Variants in RNF38 observed in about 807,000 individuals in gnomAD.
RNF38 encodes ring finger protein 38.
RNF38 carries 15 observed loss-of-function variants against 67.2 expected under a neutral mutation model. That is an observed-to-expected ratio of 0.22 (90% CI 0.15 to 0.34). RNF38 has a LOEUF of 0.34. Among genes scored for constraint, RNF38 ranks in the 10% least tolerant of loss-of-function variants. The pLI is 1.00. For missense variants in RNF38, 524 were observed against 639.9 expected (o/e 0.82, Z 1.95); for synonymous variants, 220 against 218.8 (o/e 1.01, Z -0.05).
At chr9:36,364,980 T>C (rs567858095) in intron 4 of RNF38, among the ~76,000 whole-genome samples, 1 of 152,202 alleles carries the variant, frequency 6.6e-6, no homozygotes, top group Non-Finnish European at 1.5e-5. Context: ...TTTAGGTTTG[T>C]GGGCCATGGT....
intron 4 of RNF38, among the ~76,000 whole-genome samples, chr9:36,369,213 T>A (rs1835189783): frequency 6.6e-6 from 1 of 152,222 alleles, no homozygotes; most frequent in Admixed American, 6.5e-5. Context: ...CATACATGAA[T>A]TCATTCTAAG....
At chr9:36,385,436 T>C (rs1836541790) in intron 2 of RNF38, among the ~76,000 whole-genome samples, 1 of 150,332 alleles carries the variant, frequency 6.7e-6, no homozygotes, top group Non-Finnish European at 1.5e-5. Context: ...TGGAGTGCAA[T>C]GGCGCGATCT....
At chr9:36,441,713 A>C (rs1217799512) in intron 1 of RNF38, among the ~76,000 whole-genome samples, 1 of 77,372 alleles carries the variant, frequency 1.3e-5, no homozygotes, top group Non-Finnish European at 2.3e-5. Context: ...TCATATACAT[A>C]CTCCTCAATT....
chr9:36,464,294 C>T (rs1296683079), intron 1 of RNF38, among the ~76,000 whole-genome samples: 13 of 147,490 alleles, frequency 8.8e-5, no homozygotes, highest in East Asian at 8.3e-4. Context: ...TTAGGCCGGG[C>T]GCAGTGGCTC....
chr9:36,413,801 A>G (rs1838391202), intron 2 of RNF38, among the ~76,000 whole-genome samples: 1 of 152,066 alleles, frequency 6.6e-6, no homozygotes, highest in Admixed American at 6.6e-5. Context: ...TTCTTTGTTA[A>G]CTTTCCATCT....
Position 36,356,493 on chromosome 9 carries a change from A to G in RNF38, c.739-20T>C. The G allele has an allele frequency of 6.5e-7, 1 of 1,531,140 alleles. No homozygotes were observed. The highest frequency in any genetic ancestry group is 1.3e-5 in the South Asian group (1 of 78,384). The allele number at this position is 1,531,140 out of a possible 1,614,324, so 94.8% of individuals were successfully genotyped here. ...AAGCATCTGTAAGAGAAACCATTACAGTTTGGTTAAAAATATCAGAATATA... is the reference window on the plus strand; with the variant it reads ...AAGCATCTGTAAGAGAAACCATTACGGTTTGGTTAAAAATATCAGAATATA... On this transcript the variant is annotated intron_variant, in intron 5 of 11. Coordinates refer to ENST00000259605, the MANE Select transcript of RNF38 (RefSeq NM_022781.5).
chr9:36,342,541 C>A, intron 10 of RNF38, 117 bp from the exon 11 acceptor site: 1 of 685,246 alleles, frequency 1.5e-6, no homozygotes. Flanking sequence ...AATTTTTAAA[C>A]AAAATTATCA....
intron 2 of RNF38, among the ~76,000 whole-genome samples, chr9:36,385,817 T>C (rs956658106): frequency 2.0e-5 from 3 of 152,200 alleles, no homozygotes; most frequent in African/African-American, 7.2e-5. Context: ...GTTGAATTCT[T>C]GGCACGTCGC....
intron 9 of RNF38, among the ~76,000 whole-genome samples, chr9:36,346,934 A>G (rs1833280857): frequency 6.6e-6 from 1 of 152,060 alleles, no homozygotes; most frequent in South Asian, 2.1e-4. Context: ...CCTGGTCAAC[A>G]CGGTGAAACC....
chr9:36,438,164 C>T (rs1311222544), intron 1 of RNF38, among the ~76,000 whole-genome samples: 1 of 152,162 alleles, frequency 6.6e-6, no homozygotes, highest in African/African-American at 2.4e-5. Flanking sequence ...CTCCCAACTT[C>T]TGGGCTCAAG....
intron 1 of RNF38, among the ~76,000 whole-genome samples, chr9:36,437,010 C>G (rs1839085520): frequency 6.6e-6 from 1 of 152,062 alleles, no homozygotes; most frequent in South Asian, 2.1e-4. Flanking sequence ...TCCTTTTTCC[C>G]TCTTAGCTAT....
rs527953202 is a variant in RNF38, at chr9:36,422,429, C to CAA, written n.312+2182_312+2183dup. On this transcript the variant is annotated intron_variant and non_coding_transcript_variant, in intron 2 of 3. Coordinates refer to the RNF38 transcript ENST00000488058. The stretch of plus-strand genomic sequence containing the variant: ...GAGACTCAGTCTACCCACCAAAAAA[C>CAA]AAAAAAAAAAAAACAGGAGAGAAAG... Among the ~76,000 whole-genome samples the CAA allele has an allele frequency of 2.7e-3, 391 of 143,912 alleles. 2 individuals carry two copies. The highest frequency in any genetic ancestry group is 9.0e-3 in the African/African-American group (348 of 38,822). 94.4% of individuals were successfully genotyped at this position (143,912 alleles called of 152,430 possible).
intron 4 of RNF38, among the ~76,000 whole-genome samples, chr9:36,362,633 T>C (rs1160822882): frequency 6.6e-6 from 1 of 151,782 alleles, no homozygotes. Context: ...GGAATCACTA[T>C]CCTGATTTTT....
At chr9:36,458,594 C>A (rs1379261915) in intron 1 of RNF38, among the ~76,000 whole-genome samples, 1 of 152,106 alleles carries the variant, frequency 6.6e-6, no homozygotes, top group Admixed American at 6.6e-5. Context: ...GTAACACTCA[C>A]TGCGAAGATC....
intron 1 of RNF38, among the ~76,000 whole-genome samples, chr9:36,434,442 T>G (rs1839014813): frequency 6.6e-6 from 1 of 152,108 alleles, no homozygotes; most frequent in Admixed American, 6.5e-5. Context: ...TGGAGTGCAG[T>G]GGCACCATCT....
At chr9:36,380,057 TGAAA>T (rs1173093256) in intron 2 of RNF38, among the ~76,000 whole-genome samples, 1 of 152,208 alleles carries the variant, frequency 6.6e-6, no homozygotes, top group African/African-American at 2.4e-5. Flanking sequence ...GGACAAGGCA[TGAAA>T]GATCACTACT....
chr9:36,365,401 T>C (rs577996518), intron 4 of RNF38, among the ~76,000 whole-genome samples: 1 of 151,778 alleles, frequency 6.6e-6, no homozygotes, highest in South Asian at 2.1e-4. Context: ...ACCCCACCTC[T>C]ACTAAAAATA....
chr9:36,349,422 T>C (rs374751335), intron 9 of RNF38, among the ~76,000 whole-genome samples: 1 of 152,248 alleles, frequency 6.6e-6, no homozygotes. Context: ...ATTTTGTGTC[T>C]TCTTTGAGAA....
At chr9:36,447,917 T>C (rs1031125395) in intron 1 of RNF38, among the ~76,000 whole-genome samples, 2 of 152,234 alleles carry the variant, frequency 1.3e-5, no homozygotes, top group African/African-American at 2.4e-5. Context: ...ACTACTCTCA[T>C]AGGCAACCAA....
Sources: gnomAD v4.1 joint callset for allele counts (sites outside exome capture counted in the v4.1 genomes callset) on GRCh38, gnomAD v4.1.1 for gene constraint, MANE v1.5 for transcripts, NCBI Gene and HGNC (gene_info 2026-07-23, HGNC 2026-07-21) for gene names.